Variants in IL1RAPL2 observed in about 807,000 individuals in gnomAD.
IL1RAPL2 encodes X-linked interleukin-1 receptor accessory protein-like 2.
IL1RAPL2 carries 3 observed loss-of-function variants against 44.1 expected under a neutral mutation model. The observed-to-expected ratio is 0.07, with a 90% confidence interval of 0.03 to 0.18. The LOEUF is 0.18. Among genes scored for constraint, IL1RAPL2 ranks in the 10% least tolerant of loss-of-function variants. The pLI, the probability that IL1RAPL2 is intolerant of heterozygous loss-of-function variation, is 1.00. For missense variants in IL1RAPL2, 391 were observed against 496.4 expected (o/e 0.79, Z 2.02); for synonymous variants, 181 against 178.8 (o/e 1.01, Z -0.10).
At chrX:104,683,187 T>C (rs187991662) in intron 2 of IL1RAPL2, among the ~76,000 whole-genome samples, 1 of 111,841 alleles carries the variant, frequency 8.9e-6, no homozygotes, top group African/African-American at 3.2e-5. Flanking sequence ...CCTGGCATAG[T>C]TGTACCCATA....
intron 5 of IL1RAPL2, among the ~76,000 whole-genome samples, chrX:105,381,883 T>C (rs1325796394): frequency 1.8e-5 from 2 of 112,062 alleles, no homozygotes; most frequent in Non-Finnish European, 3.8e-5. Context: ...ATTCCCTATT[T>C]AATAAATGGT....
chrX:104,761,897 CTCCTT>C, intron 2 of IL1RAPL2, among the ~76,000 whole-genome samples: 3 of 53,207 alleles, frequency 5.6e-5, no homozygotes, highest in African/African-American at 3.5e-4. Flanking sequence ...CCTTCTCCTT[CTCCTT>C]CTCCTTCTCC....
At chrX:105,535,258 C>T (rs1322740619) in intron 6 of IL1RAPL2, among the ~76,000 whole-genome samples, 4 of 111,680 alleles carry the variant, frequency 3.6e-5, no homozygotes, top group African/African-American at 9.8e-5. Flanking sequence ...GCGAGACCCA[C>T]GACTCACCTA....
intron 6 of IL1RAPL2, among the ~76,000 whole-genome samples, chrX:105,529,615 G>A (rs1259061746): frequency 9.0e-6 from 1 of 111,481 alleles, no homozygotes; most frequent in Non-Finnish European, 1.9e-5. Flanking sequence ...ACCATTTTAA[G>A]TATACAATTC....
At chrX:105,406,443 A>C in intron 5 of IL1RAPL2, 1 of 1,180,592 alleles carries the variant, frequency 8.5e-7, no homozygotes, top group Non-Finnish European at 1.2e-6. Context: ...GTGGCAATAA[A>C]GAATTCTCAA....
chrX:105,664,934 G>C (rs374466710), intron 6 of IL1RAPL2, among the ~76,000 whole-genome samples: 2 of 112,313 alleles, frequency 1.8e-5, no homozygotes, highest in South Asian at 3.7e-4. Context: ...CACAGAATTT[G>C]TGAGAGAACC....
At chrX:105,013,125 G>A (rs189810566) in intron 2 of IL1RAPL2, among the ~76,000 whole-genome samples, 92 of 111,138 alleles carry the variant, frequency 8.3e-4, no homozygotes, top group African/African-American at 2.9e-3. Context: ...TGTAACAGGT[G>A]GGAAGTAAAC....
chrX:105,143,589 T>G (rs1038989306), intron 2 of IL1RAPL2, among the ~76,000 whole-genome samples: 3 of 112,072 alleles, frequency 2.7e-5, no homozygotes, highest in Non-Finnish European at 5.6e-5. Flanking sequence ...GCCATCCCAT[T>G]ACTGGGTATA....
intron 2 of IL1RAPL2, among the ~76,000 whole-genome samples, chrX:104,950,031 C>T (rs1925525761): frequency 9.0e-6 from 1 of 110,844 alleles, no homozygotes; most frequent in South Asian, 3.9e-4. Context: ...TTAACGTCTC[C>T]CTTTATTAAT....
chrX:105,539,608 G>A (rs1188720293), intron 6 of IL1RAPL2, among the ~76,000 whole-genome samples: 1 of 111,605 alleles, frequency 9.0e-6, no homozygotes, highest in Non-Finnish European at 1.9e-5. Flanking sequence ...CTGGACATAG[G>A]TCCTGGCAAA....
At chrX:104,582,160 G>A (rs780644580) in intron 1 of IL1RAPL2, among the ~76,000 whole-genome samples, 117 of 112,257 alleles carry the variant, frequency 1.0e-3, no homozygotes, top group African/African-American at 3.5e-3. Context: ...CCGCTGCTAT[G>A]TACACAACTA....
intron 2 of IL1RAPL2, among the ~76,000 whole-genome samples, chrX:104,967,184 TA>T (rs2030140625): frequency 8.9e-6 from 1 of 112,118 alleles, no homozygotes; most frequent in South Asian, 3.7e-4. Context: ...CCAATACATT[TA>T]AAGAAATCCA....
chrX:105,282,570 C>T (rs1253427879), intron 5 of IL1RAPL2, among the ~76,000 whole-genome samples: 1 of 111,391 alleles, frequency 9.0e-6, no homozygotes, highest in Non-Finnish European at 1.9e-5. Context: ...CCTTGATCCT[C>T]TCTGACTGGC....
intron 2 of IL1RAPL2, among the ~76,000 whole-genome samples, chrX:104,815,673 G>C (rs778337764): frequency 2.0e-3 from 223 of 111,453 alleles, no homozygotes; most frequent in Middle Eastern, 9.5e-3. Context: ...ATACTGTTTA[G>C]TTCTGTGATT....
intron 2 of IL1RAPL2, among the ~76,000 whole-genome samples, chrX:104,805,311 AAAATT>A (rs767028473): frequency 1.8e-5 from 2 of 112,200 alleles, no homozygotes; most frequent in African/African-American, 6.5e-5. Flanking sequence ...GTCTGATTGA[AAAATT>A]AAATTGCAAC....
chrX:105,689,150 G>C (rs957511062), intron 6 of IL1RAPL2, among the ~76,000 whole-genome samples: 1 of 111,812 alleles, frequency 8.9e-6, no homozygotes, highest in South Asian at 3.7e-4. Flanking sequence ...TACCATTCAG[G>C]ACATAGGCAT....
intron 2 of IL1RAPL2, among the ~76,000 whole-genome samples, chrX:104,910,735 A>C (rs1448220890): frequency 8.9e-6 from 1 of 111,908 alleles, no homozygotes; most frequent in African/African-American, 3.2e-5. Flanking sequence ...CTTCACTCCC[A>C]CAGCACTCTA....
At chrX:104,824,794 T>G (rs751744497) in intron 2 of IL1RAPL2, among the ~76,000 whole-genome samples, 1 of 111,891 alleles carries the variant, frequency 8.9e-6, no homozygotes, top group South Asian at 3.7e-4. Flanking sequence ...TTTATTAGTC[T>G]GGCTAGTGGT....
chrX:105,059,226 A>G (rs1440409571), intron 2 of IL1RAPL2, among the ~76,000 whole-genome samples: 1 of 111,835 alleles, frequency 8.9e-6, no homozygotes, highest in Non-Finnish European at 1.9e-5. Flanking sequence ...TATTCATTCT[A>G]TTTAACTGAT....
Sources: gnomAD v4.1 joint callset for allele counts (sites outside exome capture counted in the v4.1 genomes callset) on GRCh38, gnomAD v4.1.1 for gene constraint, MANE v1.5 for transcripts, NCBI Gene and HGNC (gene_info 2026-07-23, HGNC 2026-07-21) for gene names.